RIMS2: variants seen among roughly 807,000 people sequenced by gnomAD.
The protein encoded by RIMS2 is regulating synaptic membrane exocytosis 2, also known as regulating synaptic membrane exocytosis protein 2.
RIMS2 carries 59 observed loss-of-function variants against 174.4 expected under a neutral mutation model. That is an observed-to-expected ratio of 0.34 (90% CI 0.27 to 0.42). The LOEUF (loss-of-function observed/expected upper bound fraction) is 0.42, where lower values mean the gene tolerates loss of function less well. RIMS2 is among the 10% of genes least tolerant of loss of function. The pLI is 1.00. For missense variants in RIMS2, 1,620 were observed against 1,666.3 expected (o/e 0.97, Z 0.48); for synonymous variants, 606 against 572.5 (o/e 1.06, Z -0.84).
chr8:103,721,920 A>T (rs544836141), intron 2 of RIMS2, among the ~76,000 whole-genome samples: 5 of 152,210 alleles, frequency 3.3e-5, no homozygotes, highest in Non-Finnish European at 5.9e-5. Flanking sequence ...TTGAATGAGG[A>T]TATTTGTGCT....
chr8:103,585,013 G>A (rs548562765), intron 1 of RIMS2, among the ~76,000 whole-genome samples: 1 of 152,116 alleles, frequency 6.6e-6, no homozygotes, highest in African/African-American at 2.4e-5. Flanking sequence ...AAGACACACA[G>A]ACTGAAAATA....
chr8:103,825,594 A>G (rs1226288806), intron 3 of RIMS2, among the ~76,000 whole-genome samples: 4 of 152,002 alleles, frequency 2.6e-5, no homozygotes, highest in African/African-American at 9.7e-5. Flanking sequence ...TACTCAACAT[A>G]GTTTTAAAAC....
At chr8:104,083,702 T>G (rs2097477125) in intron 19 of RIMS2, among the ~76,000 whole-genome samples, 1 of 152,166 alleles carries the variant, frequency 6.6e-6, no homozygotes, top group Admixed American at 6.5e-5. Flanking sequence ...GCAGCAGGCA[T>G]TTTGTTCTAC....
At chr8:103,726,792 G>A (rs1213489235) in intron 2 of RIMS2, among the ~76,000 whole-genome samples, 1 of 149,468 alleles carries the variant, frequency 6.7e-6, no homozygotes, top group Non-Finnish European at 1.5e-5. Flanking sequence ...GAGTGCAGTG[G>A]CGCGATCTGG....
In RIMS2 at chr8:103,591,457, C is replaced by T. The variant is rs141379511; in HGVS notation, c.176+90395C>T. ...ACTTTTAAAATTCTATGATTATTGT[C>T]TCTGTGTTTTTTCTAGAATACCTTT... On this transcript the variant is annotated intron_variant, in intron 1 of 23. Coordinates refer to ENST00000504942, the Ensembl canonical transcript of RIMS2. 5.9e-4 allele frequency among the ~76,000 whole-genome samples: 89 copies of T among 150,954 alleles called. No individual in the cohort carries two copies. The Middle Eastern group carries it at 0.024, about 40-fold the overall frequency.
intron 19 of RIMS2, among the ~76,000 whole-genome samples, chr8:104,030,510 A>G (rs1597403232): frequency 1.3e-5 from 2 of 152,206 alleles, no homozygotes; most frequent in East Asian, 1.9e-4. Context: ...AAGGCCCTAC[A>G]TGACCTGTGC....
intron 19 of RIMS2, among the ~76,000 whole-genome samples, chr8:104,055,874 G>A (rs543853882): frequency 6.6e-6 from 1 of 151,886 alleles, no homozygotes; most frequent in Admixed American, 6.6e-5. Context: ...CTAGGCTCTG[G>A]CTAATCCTCT....
intron 2 of RIMS2, among the ~76,000 whole-genome samples, chr8:103,714,917 C>T (rs1334268967): frequency 6.6e-6 from 1 of 151,970 alleles, no homozygotes; most frequent in Non-Finnish European, 1.5e-5. Flanking sequence ...AAGATGTTGA[C>T]TATTTAAAAG....
At chr8:104,007,709 C>T (rs984136481) in intron 17 of RIMS2, among the ~76,000 whole-genome samples, 3 of 152,148 alleles carry the variant, frequency 2.0e-5, no homozygotes, top group African/African-American at 7.2e-5. Context: ...TCTTATTTGT[C>T]ATGCTTTTTT....
At chr8:103,742,329 G>A (rs532213137) in intron 2 of RIMS2, among the ~76,000 whole-genome samples, 1 of 152,176 alleles carries the variant, frequency 6.6e-6, no homozygotes, top group African/African-American at 2.4e-5. Flanking sequence ...GTCTCTTAAT[G>A]TGCCATCATT....
chr8:104,146,211 A>C (rs1259776514), intron 19 of RIMS2, among the ~76,000 whole-genome samples: 1 of 148,644 alleles, frequency 6.7e-6, no homozygotes, highest in African/African-American at 2.5e-5. Flanking sequence ...TCCCAAAAAA[A>C]AAAAAAAAAA....
chr8:104,116,312 A>G (rs552521360), intron 19 of RIMS2, among the ~76,000 whole-genome samples: 2 of 152,306 alleles, frequency 1.3e-5, no homozygotes, highest in Admixed American at 6.5e-5. Context: ...AATCCATGGT[A>G]TTTCACAGGT....
intron 2 of RIMS2, among the ~76,000 whole-genome samples, chr8:103,759,442 G>A (rs1284278538): frequency 1.3e-5 from 2 of 151,910 alleles, no homozygotes; most frequent in Non-Finnish European, 2.9e-5. Context: ...GTGGGCGCCT[G>A]TAGTCCCAGC....
At chr8:103,578,736 G>A (rs1159088236) in intron 1 of RIMS2, among the ~76,000 whole-genome samples, 2 of 151,520 alleles carry the variant, frequency 1.3e-5, no homozygotes, top group African/African-American at 4.8e-5. Flanking sequence ...GCTCACACCT[G>A]TAATCCTGTA....
intron 1 of RIMS2, among the ~76,000 whole-genome samples, chr8:103,688,246 T>C (rs1158289463): frequency 6.6e-6 from 1 of 152,088 alleles, no homozygotes; most frequent in Non-Finnish European, 1.5e-5. Flanking sequence ...ATGTAACACC[T>C]GTATTGTGTT....
chr8:103,633,192 A>ATTTT (rs150376641), intron 1 of RIMS2, among the ~76,000 whole-genome samples: 70 of 134,930 alleles, frequency 5.2e-4, no homozygotes, highest in Non-Finnish European at 8.0e-4. Context: ...ACGCCCGGCT[A>ATTTT]TTTTTTTTTT....
chr8:103,953,564 C>A (rs1310010924), intron 14 of RIMS2, among the ~76,000 whole-genome samples: 2 of 152,106 alleles, frequency 1.3e-5, no homozygotes, highest in Non-Finnish European at 2.9e-5. Flanking sequence ...GAGATTTTGT[C>A]ACCACCAGGC....
chr8:103,588,076 A>G (rs1011516768), intron 1 of RIMS2, among the ~76,000 whole-genome samples: 4 of 152,104 alleles, frequency 2.6e-5, no homozygotes, highest in Non-Finnish European at 5.9e-5. Context: ...TACAAAAGCA[A>G]CATACAAAAT....
chr8:103,902,201 A>G (rs1358011086), intron 4 of RIMS2, among the ~76,000 whole-genome samples: 1 of 152,172 alleles, frequency 6.6e-6, no homozygotes, highest in Non-Finnish European at 1.5e-5. Flanking sequence ...CCTAGAAGGT[A>G]TCCACAGTTC....
Sources: allele counts gnomAD v4.1 joint callset (sites outside exome capture counted in the v4.1 genomes callset), GRCh38; gene constraint gnomAD v4.1.1; transcripts MANE v1.5; gene names NCBI Gene and HGNC (gene_info 2026-07-23, HGNC 2026-07-21).